The following WDR75 variants were observed in gnomAD, a reference collection of about 807,000 sequenced individuals.
WDR75 encodes the protein WD repeat domain 75.
WDR75 carries 52 observed loss-of-function variants against 106.1 expected under a neutral mutation model. The ratio of observed to expected loss-of-function variants is 0.49; its 90% CI spans 0.39 to 0.62. The LOEUF (loss-of-function observed/expected upper bound fraction) is 0.62. WDR75 is among the 20% of genes least tolerant of loss of function. WDR75 has a pLI of 0.00. For missense variants in WDR75, 905 were observed against 970.3 expected (o/e 0.93, Z 0.89); for synonymous variants, 333 against 335.5 (o/e 0.99, Z 0.08).
At chr2:189,443,459 C>T (rs1380967908) in intron 1 of WDR75, among the ~76,000 whole-genome samples, 9 of 152,124 alleles carry the variant, frequency 5.9e-5, no homozygotes. Flanking sequence ...GTTGTTTGGA[C>T]CAAAGAGAAT....
chr2:189,449,583 T>G, intron 2 of WDR75: 1 of 1,042,796 alleles, frequency 9.6e-7, no homozygotes, highest in South Asian at 3.3e-5. Flanking sequence ...TTCGGATGAC[T>G]GAAAGTGAGT....
intron 5 of WDR75, among the ~76,000 whole-genome samples, chr2:189,456,506 G>C (rs1168744244): frequency 6.6e-6 from 1 of 152,004 alleles, no homozygotes; most frequent in Non-Finnish European, 1.5e-5. Flanking sequence ...ATGATGTTGA[G>C]CCACAGAGGA....
intron 2 of WDR75, chr2:189,449,759 T>G: frequency 1.0e-6 from 1 of 984,938 alleles, no homozygotes; most frequent in Non-Finnish European, 1.2e-6. Context: ...TATGCAGTAA[T>G]TGTGATATAA....
intron 6 of WDR75, among the ~76,000 whole-genome samples, chr2:189,458,361 C>A (rs1015250689): frequency 1.6e-4 from 25 of 152,122 alleles, no homozygotes; most frequent in African/African-American, 5.6e-4. Flanking sequence ...CTTTCAGATG[C>A]ATTAGCCATT....
chr2:189,469,341 C>T lies in WDR75; in HGVS notation c.1724-3C>T, dbSNP rs779940392. 1 of 1,610,020 alleles carries T rather than the reference C, an allele frequency of 6.2e-7. No individual in the cohort carries two copies. Among genetic ancestry groups the T allele is most frequent in the East Asian group, 2.2e-5 (1 of 44,834 alleles). ...AGTGAATCACCTTTGTTTTTCCCCT[C>T]AGTGGAGTGGAATGCAAAATTAAAT... On this transcript the variant is annotated splice_polypyrimidine_tract_variant and splice_region_variant and intron_variant, in intron 15 of 20. Transcript: ENST00000314761.
At chr2:189,447,415 C>A (rs916340527) in intron 1 of WDR75, among the ~76,000 whole-genome samples, 4 of 152,168 alleles carry the variant, frequency 2.6e-5, no homozygotes, top group African/African-American at 2.4e-5. Context: ...TTGTATTTTT[C>A]TGTACAAAAG....
At chr2:189,465,686 C>G (rs1462655913) in intron 12 of WDR75, among the ~76,000 whole-genome samples, 1 of 152,100 alleles carries the variant, frequency 6.6e-6, no homozygotes, top group African/African-American at 2.4e-5. Flanking sequence ...CTTAACAGAT[C>G]TTTGCTGTGT....
At chr2:189,458,629 A>C in intron 6 of WDR75, 124 bp from the exon 7 acceptor site, 1 of 750,330 alleles carries the variant, frequency 1.3e-6, no homozygotes, top group Non-Finnish European at 1.9e-6. Flanking sequence ...CTGCAGTTAT[A>C]TTTATTGAAT....
rs192107262 is a variant in WDR75, at chr2:189,447,220, A to G, written c.87-1159A>G. The stretch of plus-strand genomic sequence containing the variant: ...AAATACTTTTTACTTGGAAGATACA[A>G]GAAGATTTATATTTCTGCGCCTTGT... On this transcript the variant is annotated intron_variant, in intron 1 of 20. Coordinates refer to ENST00000314761, the MANE Select transcript of WDR75 (RefSeq NM_032168.3). Among the ~76,000 whole-genome samples the G allele has an allele frequency of 1.4e-4, 22 of 152,354 alleles. No homozygotes were observed. In the East Asian group the frequency reaches 3.5e-3, roughly 24 times the overall value.
intron 1 of WDR75, among the ~76,000 whole-genome samples, chr2:189,447,229 A>G (rs1230042449): frequency 6.6e-6 from 1 of 152,234 alleles, no homozygotes; most frequent in Non-Finnish European, 1.5e-5. Context: ...AAGAAGATTT[A>G]TATTTCTGCG....
intron 1 of WDR75, among the ~76,000 whole-genome samples, chr2:189,445,319 CAA>C (rs1306316370): frequency 6.6e-6 from 1 of 152,194 alleles, no homozygotes; most frequent in African/African-American, 2.4e-5. Context: ...TGTCTCACCT[CAA>C]AGACTCACAG....
intron 4 of WDR75, among the ~76,000 whole-genome samples, chr2:189,454,400 C>G (rs1686689816): frequency 6.6e-6 from 1 of 152,154 alleles, no homozygotes; most frequent in Non-Finnish European, 1.5e-5. Context: ...TGAAAACTCT[C>G]AGATGATTTG....
chr2:189,457,470 T>C (rs10497700), intron 6 of WDR75, 89 bp downstream of exon 6: 492,648 of 773,710 alleles, frequency 0.64, 161,434 homozygotes, highest in Non-Finnish European at 0.68. Flanking sequence ...TCCAAAGCTA[T>C]TCCTAGTTTT....
intron 2 of WDR75, 160 bp from the exon 3 acceptor site, chr2:189,450,743 A>G (rs1223012075): frequency 7.0e-7 from 1 of 1,420,610 alleles, no homozygotes; most frequent in Non-Finnish European, 9.1e-7. Flanking sequence ...CTGTGAAAAG[A>G]TTGTTTTGCA....
At position 189,441,523 on chromosome 2, in the gene WDR75, C is replaced by T. The variant is rs745711440; in HGVS notation, c.31C>T (p.Arg11Cys). The change falls in exon 1 of 21, where the codon CGT (arginine) becomes TGT (cysteine). Residue 11 changes from arginine to cysteine, a missense_variant. Transcript: ENST00000314761. ...GGAGGAGGAGAACATCCGCGTGGTT[C>T]GTTGTGGCGGCAGCGAGTTGAACTT... MVEEENIRVV[R>C]CGGSELNFRR... 3 of 1,567,066 alleles carry T rather than the reference C, an allele frequency of 1.9e-6. No homozygotes were observed. Among genetic ancestry groups the T allele is most frequent in the East Asian group, 2.3e-5 (1 of 42,624 alleles).
chr2:189,454,738 T>C (rs1452193888), intron 4 of WDR75, among the ~76,000 whole-genome samples: 3 of 152,056 alleles, frequency 2.0e-5, no homozygotes, highest in Non-Finnish European at 4.4e-5. Context: ...TTAGCCAGGA[T>C]GGTCTCGATC....
At position 189,450,177 on chromosome 2, in the gene WDR75, A is replaced by G. The variant is rs563016492; in HGVS notation, c.217-726A>G. On this transcript the variant is annotated intron_variant, in intron 2 of 20. Coordinates refer to ENST00000314761, the MANE Select transcript of WDR75 (RefSeq NM_032168.3). ...ATTATAATTTCTATTGTATTTTATG[A>G]AAGTATTGGTCCTTGATGGATTGGA... The G allele has an allele frequency of 5.1e-6, 5 of 978,902 alleles. No homozygotes were observed. The East Asian group carries it at 3.4e-4, about 67-fold the overall frequency. The allele number at this position is 978,902 out of a possible 1,614,324, so 60.6% of individuals were successfully genotyped here. A position where few individuals can be genotyped will look rare whatever the true frequency, so the allele number is the denominator to read the frequency against.
At position 189,475,225 on chromosome 2, in the gene WDR75, T is replaced by C. The variant is rs539705245; in HGVS notation, c.2301T>C (p.Ile767=). 328 of 1,607,942 alleles carry C rather than the reference T, an allele frequency of 2.0e-4. 3 individuals are homozygous for C. In the South Asian group the frequency reaches 3.6e-3, roughly 17 times the overall value. Residue 767 remains isoleucine (I), a synonymous_variant, in exon 21 of 21, where the codon ATT becomes ATC. Coordinates refer to ENST00000314761, the MANE Select transcript of WDR75 (RefSeq NM_032168.3). ...LSKETKSAKE[I]PEDVDMEEEK... is the part of the protein sequence containing the mutation. ...GTTATTGTTAAAGTGCTAAGGAAATTCCTGAAGATGTAGATATGGAAGAAG... is the reference window on the plus strand; with the variant it reads ...GTTATTGTTAAAGTGCTAAGGAAATCCCTGAAGATGTAGATATGGAAGAAG...
At chr2:189,442,149 A>G (rs181775223) in intron 1 of WDR75, among the ~76,000 whole-genome samples, 3 of 152,220 alleles carry the variant, frequency 2.0e-5, no homozygotes, top group Admixed American at 1.3e-4. Context: ...ACATTATGAA[A>G]CCTTTGTAAG....
Sources: allele counts gnomAD v4.1 joint callset (sites outside exome capture counted in the v4.1 genomes callset), GRCh38; gene constraint gnomAD v4.1.1; transcripts MANE v1.5; gene names NCBI Gene and HGNC (gene_info 2026-07-23, HGNC 2026-07-21).